FBXL7: variants seen among roughly 807,000 people sequenced by gnomAD.
The protein encoded by FBXL7 is F-box/LRR-repeat protein 7.
FBXL7 carries 12 observed loss-of-function variants against 38.3 expected under a neutral mutation model. That is an observed-to-expected ratio of 0.31 (90% CI 0.20 to 0.51). The LOEUF (loss-of-function observed/expected upper bound fraction) is 0.51, where lower values mean the gene tolerates loss of function less well. FBXL7 is among the 20% of genes least tolerant of loss of function. The pLI, the probability that FBXL7 is intolerant of heterozygous loss-of-function variation, is 0.98. For synonymous variants in FBXL7, 297 were observed against 300.9 expected, an observed-to-expected ratio of 0.99 and a Z score of 0.13; for missense variants, 567 against 676.4, an observed-to-expected ratio of 0.84 and a Z score of 1.79.
intron 2 of FBXL7, among the ~76,000 whole-genome samples, chr5:15,843,230 T>G (rs1460489808): frequency 2.0e-5 from 3 of 152,218 alleles, no homozygotes; most frequent in Admixed American, 6.5e-5. Context: ...ATTCTTCTCT[T>G]CTTCTAACAT....
Position 15,937,111 on chromosome 5 carries a change from C to G in FBXL7, c.1401C>G (p.Ser467=), listed in dbSNP as rs890516127. The part of the protein sequence containing the change: ...QTLNVQDCEV[S]VEALRFVKRH... ...TGAATGTCCAGGACTGCGAGGTCTC[C>G]GTGGAGGCCCTGCGCTTTGTCAAAC... The change falls in exon 4 of 4, where the codon TCC becomes TCG. Residue 467 remains serine (S), a synonymous_variant. Transcript: ENST00000504595. 6.2e-6 allele frequency: 10 copies of G among 1,613,512 alleles called. No homozygotes were observed. The African/African-American group carries it at 6.7e-5, about 11-fold the overall frequency.
Position 15,706,504 on chromosome 5 carries a change from C to T in FBXL7, c.127+90432C>T, listed in dbSNP as rs567761002. On this transcript the variant is annotated intron_variant, in intron 2 of 3. Coordinates refer to ENST00000504595, the MANE Select transcript of FBXL7 (RefSeq NM_012304.5). ...CACAGTCTCAGATATTCCATTTTAA[C>T]AATGCAAGCTAATAGAGGGGAGATG... Among the ~76,000 whole-genome samples, 4 of 152,228 alleles carry T rather than the reference C, an allele frequency of 2.6e-5. No homozygotes were observed. The East Asian group carries it at 7.7e-4, about 29-fold the overall frequency.
At chr5:15,911,430 A>G (rs1236794432) in intron 2 of FBXL7, among the ~76,000 whole-genome samples, 1 of 138,374 alleles carries the variant, frequency 7.2e-6, no homozygotes, top group Non-Finnish European at 1.5e-5. Context: ...ATTCTTCTAA[A>G]TTTTTTTCAA....
At chr5:15,872,845 C>A (rs1444749948) in intron 2 of FBXL7, among the ~76,000 whole-genome samples, 1 of 152,094 alleles carries the variant, frequency 6.6e-6, no homozygotes, top group Non-Finnish European at 1.5e-5. Flanking sequence ...GACCTTAACA[C>A]CCCACTATCA....
At chr5:15,585,798 A>G (rs1186411554) in intron 1 of FBXL7, among the ~76,000 whole-genome samples, 1 of 152,276 alleles carries the variant, frequency 6.6e-6, no homozygotes, top group East Asian at 1.9e-4. Context: ...ACCCATTGGT[A>G]TGCATTACAC....
chr5:15,823,987 A>G (rs748155684), intron 2 of FBXL7, among the ~76,000 whole-genome samples: 2 of 152,118 alleles, frequency 1.3e-5, no homozygotes, highest in Non-Finnish European at 2.9e-5. Flanking sequence ...ATTAAACGTA[A>G]ACCATTTTAG....
In FBXL7 at chr5:15,735,143, G is replaced by A. The variant is rs192192174; in HGVS notation, c.127+119071G>A. On this transcript the variant is annotated intron_variant, in intron 2 of 3. Transcript: ENST00000504595. ...AAACAGAGTTTCACCATGTTAGCCA[G>A]GCTGGTCTTGAACTCCTGACCTCAG... 2.0e-4 allele frequency among the ~76,000 whole-genome samples: 30 copies of A among 152,336 alleles called. No individual in the cohort carries two copies. In the East Asian group the frequency reaches 5.4e-3, roughly 27 times the overall value.
At chr5:15,694,696 A>G (rs1743279581) in intron 2 of FBXL7, among the ~76,000 whole-genome samples, 1 of 152,184 alleles carries the variant, frequency 6.6e-6, no homozygotes, top group Admixed American at 6.5e-5. Context: ...TTAATGTGCC[A>G]TGGTAGGAAA....
intron 2 of FBXL7, among the ~76,000 whole-genome samples, chr5:15,917,178 A>G (rs1007588510): frequency 2.0e-5 from 3 of 152,226 alleles, no homozygotes; most frequent in African/African-American, 7.2e-5. Flanking sequence ...AGACATTGAC[A>G]TTCTGCTCTC....
chr5:15,724,661 A>C (rs557754877), intron 2 of FBXL7, among the ~76,000 whole-genome samples: 1 of 152,342 alleles, frequency 6.6e-6, no homozygotes, highest in East Asian at 1.9e-4. Context: ...TATCACATTT[A>C]TGAATTTTCT....
chr5:15,842,184 A>G (rs1419342758), intron 2 of FBXL7, among the ~76,000 whole-genome samples: 1 of 152,204 alleles, frequency 6.6e-6, no homozygotes, highest in Non-Finnish European at 1.5e-5. Context: ...ACAGGGACCA[A>G]TCTGCCCAAG....
chr5:15,742,549 C>G (rs1374472743), intron 2 of FBXL7, among the ~76,000 whole-genome samples: 6 of 152,166 alleles, frequency 3.9e-5, no homozygotes, highest in Admixed American at 2.6e-4. Flanking sequence ...AAGATGCTGT[C>G]TAGAATTGCT....
At chr5:15,833,827 G>A (rs765972309) in intron 2 of FBXL7, among the ~76,000 whole-genome samples, 3 of 152,152 alleles carry the variant, frequency 2.0e-5, no homozygotes, top group Admixed American at 2.0e-4. Flanking sequence ...TGTTTAAGAG[G>A]AAGGGCATGG....
chr5:15,844,109 AG>A (rs1017646595), intron 2 of FBXL7, among the ~76,000 whole-genome samples: 1 of 152,114 alleles, frequency 6.6e-6, no homozygotes, highest in African/African-American at 2.4e-5. Context: ...TTAGCACAGG[AG>A]GGGGGACACA....
At chr5:15,854,440 C>T (rs1188273709) in intron 2 of FBXL7, among the ~76,000 whole-genome samples, 1 of 152,054 alleles carries the variant, frequency 6.6e-6, no homozygotes, top group African/African-American at 2.4e-5. Flanking sequence ...GCCTATGTGC[C>T]ATGTGACTTT....
chr5:15,807,377 G>A (rs1050715891), intron 2 of FBXL7, among the ~76,000 whole-genome samples: 2 of 152,194 alleles, frequency 1.3e-5, no homozygotes, highest in Admixed American at 6.5e-5. Context: ...TGCCTCTTCT[G>A]ACCCATTGTG....
intron 2 of FBXL7, among the ~76,000 whole-genome samples, chr5:15,921,458 T>C (rs1741739595): frequency 6.6e-6 from 1 of 151,976 alleles, no homozygotes; most frequent in South Asian, 2.1e-4. Flanking sequence ...GATCTGTCTG[T>C]CCATGTCTCC....
At chr5:15,564,295 C>A (rs1317246315) in intron 1 of FBXL7, among the ~76,000 whole-genome samples, 1 of 151,818 alleles carries the variant, frequency 6.6e-6, no homozygotes, top group Non-Finnish European at 1.5e-5. Flanking sequence ...TTAGTATAGT[C>A]ATTCTTACAT....
intron 1 of FBXL7, among the ~76,000 whole-genome samples, chr5:15,504,312 T>C (rs1264074068): frequency 1.3e-5 from 2 of 152,240 alleles, no homozygotes; most frequent in African/African-American, 4.8e-5. Flanking sequence ...AGATTAACTT[T>C]GGAAAGACAT....
Sources: gnomAD v4.1 joint callset for allele counts (sites outside exome capture counted in the v4.1 genomes callset) on GRCh38, gnomAD v4.1.1 for gene constraint, MANE v1.5 for transcripts, NCBI Gene and HGNC (gene_info 2026-07-23, HGNC 2026-07-21) for gene names.